CALD1: variants seen among roughly 807,000 people sequenced by gnomAD.
The protein encoded by CALD1 is caldesmon.
In CALD1, 33 loss-of-function variants were observed where a neutral mutation model predicts 99.9. The observed-to-expected ratio is 0.33, with a 90% confidence interval of 0.25 to 0.44. The LOEUF (loss-of-function observed/expected upper bound fraction) is 0.44. Ranked by LOEUF, CALD1 falls within the 20% of genes least tolerant of loss-of-function variation. The pLI is 1.00. For synonymous variants in CALD1, 310 were observed against 325.0 expected, an observed-to-expected ratio of 0.95 and a Z score of 0.50; for missense variants, 861 against 962.1, an observed-to-expected ratio of 0.89 and a Z score of 1.39.
chr7:134,747,807 A>G (rs1796648874), intron 1 of CALD1, among the ~76,000 whole-genome samples: 1 of 152,228 alleles, frequency 6.6e-6, no homozygotes, highest in Admixed American at 6.5e-5. Flanking sequence ...GACAAATACC[A>G]CAAAGGTGGG....
intron 1 of CALD1, among the ~76,000 whole-genome samples, chr7:134,759,610 G>A (rs372405685): frequency 2.0e-5 from 3 of 152,166 alleles, no homozygotes; most frequent in Non-Finnish European, 2.9e-5. Context: ...AGGCAGATTC[G>A]CGAGGGATGT....
chr7:134,767,835 GAC>G (rs1796840702), intron 1 of CALD1, among the ~76,000 whole-genome samples: 1 of 152,244 alleles, frequency 6.6e-6, no homozygotes, highest in Admixed American at 6.5e-5. Context: ...AAGTGACAGT[GAC>G]AAGATTAGAA....
chr7:134,897,937 G>A (rs1192291190), intron 3 of CALD1, among the ~76,000 whole-genome samples: 1 of 151,850 alleles, frequency 6.6e-6, no homozygotes, highest in East Asian at 1.9e-4. Flanking sequence ...TCAAACTCCT[G>A]GGCTCAAGCA....
At chr7:134,909,058 C>T (rs1189997513) in intron 3 of CALD1, among the ~76,000 whole-genome samples, 1 of 152,090 alleles carries the variant, frequency 6.6e-6, no homozygotes, top group Non-Finnish European at 1.5e-5. Flanking sequence ...TATATTTTCT[C>T]TGTGTCCCTG....
intron 3 of CALD1, among the ~76,000 whole-genome samples, chr7:134,925,874 T>A (rs779991625): frequency 1.6e-4 from 25 of 152,228 alleles, no homozygotes; most frequent in Middle Eastern, 3.2e-3. Flanking sequence ...ACCTCATGGC[T>A]GATCCAGAGA....
At chr7:134,950,575 G>C in intron 9 of CALD1, 61 bp downstream of exon 9, 1 of 1,374,282 alleles carries the variant, frequency 7.3e-7, no homozygotes, top group Non-Finnish European at 1.0e-6. Context: ...TTAGCCCCTT[G>C]TTTAGTTATT....
At chr7:134,715,868 T>G in the CALD1 span, among the ~76,000 whole-genome samples, 187 of 152,340 alleles carry the variant, frequency 1.2e-3, no homozygotes, top group African/African-American at 4.2e-3. Context: ...TCACCTTTTA[T>G]GGAGCTAAAA....
chr7:134,939,035 A>G (rs1418300059), intron 6 of CALD1, among the ~76,000 whole-genome samples: 2 of 152,236 alleles, frequency 1.3e-5, no homozygotes, highest in African/African-American at 4.8e-5. Flanking sequence ...TATCCCTAAA[A>G]TGGGTTTCCC....
the CALD1 span, among the ~76,000 whole-genome samples, chr7:134,726,431 T>TTA: frequency 9.3e-6 from 1 of 107,708 alleles, no homozygotes; most frequent in Admixed American, 1.2e-4. Flanking sequence ...ATAATATATA[T>TTA]TATATAGCTT....
chr7:134,723,460 C>T, the CALD1 span, among the ~76,000 whole-genome samples: 54 of 151,946 alleles, frequency 3.6e-4, no homozygotes, highest in Admixed American at 7.9e-4. Flanking sequence ...TTAAATCCAG[C>T]CATACTCAAT....
At chr7:134,778,960 G>A (rs1446128410), upstream of CALD1, among the ~76,000 whole-genome samples, 1 of 152,160 alleles carries the variant, frequency 6.6e-6, no homozygotes, top group Non-Finnish European at 1.5e-5. Flanking sequence ...TACGCTTTTG[G>A]TTTCCCTTTG....
upstream of CALD1, among the ~76,000 whole-genome samples, chr7:134,740,092 T>C (rs1198662295): frequency 6.6e-6 from 1 of 152,020 alleles, no homozygotes; most frequent in East Asian, 1.9e-4. Context: ...AATGATGAAA[T>C]AGGGATACCT....
At chr7:134,768,680 T>TA (rs1232526930) in intron 1 of CALD1, among the ~76,000 whole-genome samples, 7 of 151,862 alleles carry the variant, frequency 4.6e-5, no homozygotes, top group Non-Finnish European at 8.8e-5. Context: ...TGCAATTTTT[T>TA]AAAAAAAACA....
upstream of CALD1, among the ~76,000 whole-genome samples, chr7:134,741,495 C>G (rs1359204378): frequency 6.6e-6 from 1 of 152,104 alleles, no homozygotes; most frequent in East Asian, 1.9e-4. Context: ...ACTCTTTGAT[C>G]TCAAGCACTC....
upstream of CALD1, among the ~76,000 whole-genome samples, chr7:134,778,967 T>C (rs1796996528): frequency 6.6e-6 from 1 of 152,212 alleles, no homozygotes; most frequent in African/African-American, 2.4e-5. Flanking sequence ...TTGGTTTCCC[T>C]TTGGTCACTT....
intron 3 of CALD1, among the ~76,000 whole-genome samples, chr7:134,871,784 T>A (rs1461862529): frequency 1.3e-5 from 2 of 152,226 alleles, no homozygotes; most frequent in African/African-American, 4.8e-5. Flanking sequence ...AGATGCAGTT[T>A]TACTTTGAAA....
chr7:134,830,797 A>T (rs997384459), intron 1 of CALD1, among the ~76,000 whole-genome samples: 5 of 152,216 alleles, frequency 3.3e-5, no homozygotes, highest in Non-Finnish European at 5.9e-5. Flanking sequence ...TAATCTTGGC[A>T]GTGAATAATG....
chr7:134,866,118 C>G (rs1800791152), intron 2 of CALD1, among the ~76,000 whole-genome samples: 1 of 152,188 alleles, frequency 6.6e-6, no homozygotes, highest in Non-Finnish European at 1.5e-5. Context: ...TCACACACTC[C>G]TGCCCTGTGG....
In CALD1 at chr7:134,882,032, C is replaced by T. The variant is rs187753463; in HGVS notation, c.71+14228C>T. On this transcript the variant is annotated intron_variant, in intron 3 of 14. Coordinates refer to ENST00000361675, the MANE Select transcript of CALD1 (RefSeq NM_033138.4). ...CCTCTATTTTATGTTTATTTGTTCT[C>T]GTATCTGTTTTCTCCACCAAATTGA... Among the ~76,000 whole-genome samples, 60 of 152,314 alleles carry T rather than the reference C, an allele frequency of 3.9e-4. 1 individual carries two copies. The highest frequency in any genetic ancestry group is 6.9e-4 in the Non-Finnish European group (47 of 68,024).
Sources: allele counts gnomAD v4.1 joint callset (sites outside exome capture counted in the v4.1 genomes callset), GRCh38; gene constraint gnomAD v4.1.1; transcripts MANE v1.5; gene names NCBI Gene and HGNC (gene_info 2026-07-23, HGNC 2026-07-21).